Variants in DMD observed in about 807,000 individuals in gnomAD.
DMD encodes the protein dystrophin.
DMD carries 63 observed loss-of-function variants against 330.1 expected under a neutral mutation model. The observed-to-expected ratio is 0.19, with a 90% CI of 0.16 to 0.24. DMD has a LOEUF of 0.24. Among genes scored for constraint, DMD ranks in the 10% least tolerant of loss-of-function variants. The pLI, the probability that DMD is intolerant of heterozygous loss-of-function variation, is 1.00. For synonymous variants in DMD, 1,223 were observed against 959.8 expected (o/e 1.27, Z -5.07); for missense variants, 3,344 against 2,684.1 (o/e 1.25, Z -5.43).
intron 60 of DMD, among the ~76,000 whole-genome samples, chrX:31,435,171 C>T (rs1015959715): frequency 9.0e-6 from 1 of 111,611 alleles, no homozygotes; most frequent in Admixed American, 9.5e-5. Flanking sequence ...CACTGGGTTA[C>T]GTGAGGCTTA....
Position 31,706,015 on chromosome X carries a change from T to C in DMD, c.7660+23616A>G, listed in dbSNP as rs774252935. Among the ~76,000 whole-genome samples the C allele has an allele frequency of 4.5e-5, 5 of 111,666 alleles. No individual in the cohort carries two copies. The East Asian group carries it at 1.4e-3, about 31-fold the overall frequency. ...AGCTCTGGAGATAAAGCATGACAGG[T>C]GGTCCTTTGACGAAGCAAAGTGAAC... On this transcript the variant is annotated intron_variant, in intron 52 of 78. Transcript: ENST00000357033.
chrX:31,453,969 A>G (rs2065969179), intron 59 of DMD, among the ~76,000 whole-genome samples: 1 of 111,153 alleles, frequency 9.0e-6, no homozygotes, highest in Admixed American at 9.6e-5. Context: ...CAGAAAAAAT[A>G]CCAATATTTT....
At chrX:31,560,069 G>A (rs929597569) in intron 55 of DMD, among the ~76,000 whole-genome samples, 1 of 111,875 alleles carries the variant, frequency 8.9e-6, no homozygotes, top group African/African-American at 3.3e-5. Flanking sequence ...GTTGTTTTCT[G>A]TTAGATATCC....
At chrX:31,883,932 C>G (rs1057275348) in intron 47 of DMD, among the ~76,000 whole-genome samples, 2 of 109,048 alleles carry the variant, frequency 1.8e-5, no homozygotes, top group Admixed American at 9.8e-5. Flanking sequence ...AAATGCAAAT[C>G]AAAGCCAAAA....
At chrX:32,129,342 A>G (rs1043671423) in intron 44 of DMD, among the ~76,000 whole-genome samples, 3 of 111,339 alleles carry the variant, frequency 2.7e-5, no homozygotes, top group African/African-American at 9.8e-5. Context: ...TGATGAGAAA[A>G]CAACACCAAA....
intron 16 of DMD, among the ~76,000 whole-genome samples, chrX:32,564,834 A>C (rs1391946743): frequency 9.0e-6 from 1 of 111,600 alleles, no homozygotes; most frequent in Non-Finnish European, 1.9e-5. Flanking sequence ...AATTCCATGT[A>C]CTTGTCTCAA....
chrX:31,758,308 C>T (rs1384530194), intron 51 of DMD, among the ~76,000 whole-genome samples: 1 of 110,799 alleles, frequency 9.0e-6, no homozygotes, highest in Non-Finnish European at 1.9e-5. Context: ...AGACTTCCTG[C>T]ATATCTCTCA....
At chrX:32,501,956 TCACG>T (rs2044101037) in intron 18 of DMD, 114 bp from the exon 19 acceptor site, 8 of 556,711 alleles carry the variant, frequency 1.4e-5, no homozygotes, top group African/African-American at 1.4e-4. Context: ...TGTCAGCTTA[TCACG>T]TGAATCTAAA....
intron 2 of DMD, among the ~76,000 whole-genome samples, chrX:32,950,708 A>T (rs1426041328): frequency 1.8e-5 from 2 of 111,602 alleles, no homozygotes; most frequent in Non-Finnish European, 3.8e-5. Flanking sequence ...CAGTCATTCC[A>T]GAAAAAATGA....
At chrX:33,218,813 T>G (rs2052106841) in intron 1 of DMD, among the ~76,000 whole-genome samples, 1 of 111,656 alleles carries the variant, frequency 9.0e-6, no homozygotes, top group South Asian at 3.7e-4. Context: ...TCCTTCTTGT[T>G]ACGACTGTGT....
intron 1 of DMD, among the ~76,000 whole-genome samples, chrX:33,067,823 C>T (rs759266411): frequency 4.5e-5 from 5 of 111,294 alleles, no homozygotes; most frequent in Admixed American, 9.6e-5. Flanking sequence ...CCAGCCTGGG[C>T]GACAGAGCCA....
At chrX:32,647,372 G>A (rs765881524) in intron 9 of DMD, among the ~76,000 whole-genome samples, 13 of 111,473 alleles carry the variant, frequency 1.2e-4, no homozygotes, top group Non-Finnish European at 2.3e-4. Flanking sequence ...AGAATATGGC[G>A]TAAGTGTGTT....
chrX:32,942,378 A>G (rs2090485197), intron 2 of DMD, among the ~76,000 whole-genome samples: 2 of 111,035 alleles, frequency 1.8e-5, no homozygotes, highest in African/African-American at 6.6e-5. Context: ...CCCCATCTCT[A>G]CTAAAAATAC....
chrX:32,359,842 T>A lies in DMD; in HGVS notation c.5325+2946A>T, dbSNP rs185570733. Among the ~76,000 whole-genome samples, 753 of 110,866 alleles carry A rather than the reference T, an allele frequency of 6.8e-3. 8 individuals are homozygous for A. Among genetic ancestry groups the A allele is most frequent in the African/African-American group, 0.023 (698 of 30,676 alleles). ...CCCCCATCTAGTAACTCTATTATTT[T>A]CCAATTTATTAATTTAATTTTAAAT... is the stretch of plus-strand genomic sequence containing the variant. On this transcript the variant is annotated intron_variant, in intron 37 of 78. Transcript: ENST00000357033.
intron 9 of DMD, among the ~76,000 whole-genome samples, chrX:32,649,894 G>A (rs956674571): frequency 9.0e-6 from 1 of 111,344 alleles, no homozygotes; most frequent in Non-Finnish European, 1.9e-5. Flanking sequence ...CGTACGTAAG[G>A]CTGCTGGAAA....
At position 32,131,696 on chromosome X, in the gene DMD, G is replaced by A. The variant is rs764169997; in HGVS notation, c.6438+85220C>T. ...AAACTAAGATAACTTCAAGAAAATG[G>A]GTCATTTAATCCTCTGTTCTACTGC... On this transcript the variant is annotated intron_variant, in intron 44 of 78. Transcript: ENST00000357033. 7.1e-5 allele frequency among the ~76,000 whole-genome samples: 8 copies of A among 112,130 alleles called. No individual in the cohort carries two copies. In the South Asian group the frequency reaches 3.0e-3, roughly 42 times the overall value.
rs754186400 is a variant in DMD at position 31,827,751 on chromosome X, C to G, written c.7201-7668G>C. Among the ~76,000 whole-genome samples the G allele has an allele frequency of 4.5e-5, 5 of 111,701 alleles. No homozygotes were observed. In the East Asian group the frequency reaches 8.4e-4, roughly 19 times the overall value. ...ACCACAGTGGAATAAAACTAAAAAT[C>G]AACTCCAAAAGGAACCCTCAAAACT... is the stretch of plus-strand genomic sequence containing the variant. On this transcript the variant is annotated intron_variant, in intron 49 of 78. Coordinates refer to ENST00000357033, the MANE Select transcript of DMD (RefSeq NM_004006.3).
At position 31,985,301 on chromosome X, in the gene DMD, G is replaced by C. The variant is rs187321057; in HGVS notation, c.6439-16787C>G. Among the ~76,000 whole-genome samples the C allele has an allele frequency of 6.8e-4, 76 of 112,068 alleles. 1 individual carries two copies. The Admixed American group carries it at 7.0e-3, about 10-fold the overall frequency. The stretch of plus-strand genomic sequence containing the variant: ...GATGATTAGGTGTTCTTTGTATATA[G>C]CAACAGTATCCCCTTGCCAATTTTA... On this transcript the variant is annotated intron_variant, in intron 44 of 78. Transcript: ENST00000357033.
chrX:32,690,789 G>T (rs1028976333), intron 9 of DMD, among the ~76,000 whole-genome samples: 1 of 101,852 alleles, frequency 9.8e-6, no homozygotes, highest in African/African-American at 4.6e-5. Flanking sequence ...GGATATCCAC[G>T]TGCAAAATAA....
Sources: allele counts gnomAD v4.1 joint callset (sites outside exome capture counted in the v4.1 genomes callset), GRCh38; gene constraint gnomAD v4.1.1; transcripts MANE v1.5; gene names NCBI Gene and HGNC (gene_info 2026-07-23, HGNC 2026-07-21).